PARL: variants seen among roughly 807,000 people sequenced by gnomAD.
The protein encoded by PARL is presenilin-associated rhomboid-like protein, mitochondrial.
PARL carries 44 observed loss-of-function variants against 51.6 expected under a neutral mutation model. That is an observed-to-expected ratio of 0.85 (90% CI 0.67 to 1.10). The LOEUF is 1.10. Among genes scored for constraint, PARL ranks in the 50% least tolerant of loss-of-function variants. The pLI, the probability that PARL is intolerant of heterozygous loss-of-function variation, is 0.00. For synonymous variants in PARL, 172 were observed against 164.0 expected (o/e 1.05, Z -0.37); for missense variants, 441 against 469.5 (o/e 0.94, Z 0.56).
intron 6 of PARL, among the ~76,000 whole-genome samples, chr3:183,840,863 C>T (rs138772795): frequency 4.6e-5 from 7 of 152,102 alleles, no homozygotes; most frequent in African/African-American, 9.6e-5. Flanking sequence ...CGTGCGGCAC[C>T]ACATCCAGCC....
At chr3:183,883,496 C>G (rs1734787927) in intron 1 of PARL, 5 of 546,112 alleles carry the variant, frequency 9.2e-6, no homozygotes, top group Non-Finnish European at 1.2e-5. Context: ...TCTTGAACTC[C>G]TAACTTCAGG....
chr3:183,880,768 G>T (rs1224091641), intron 1 of PARL, among the ~76,000 whole-genome samples: 2 of 151,904 alleles, frequency 1.3e-5, no homozygotes, highest in Non-Finnish European at 2.9e-5. Flanking sequence ...CAATATATGT[G>T]TTCACCTAAT....
intron 1 of PARL, among the ~76,000 whole-genome samples, chr3:183,879,368 T>C (rs1427278273): frequency 6.6e-6 from 1 of 152,202 alleles, no homozygotes; most frequent in East Asian, 1.9e-4. Context: ...ACAACTTTTT[T>C]TTCTGCTAGA....
downstream of PARL, chr3:183,829,201 G>A (rs77431501): frequency 6.0e-3 from 1,673 of 276,588 alleles, 12 homozygotes; most frequent in African/African-American, 0.026. Flanking sequence ...AGCCAACCCA[G>A]GGGAGGGGGA....
intron 4 of PARL, chr3:183,856,505 CCTAGG>C (rs1731201169): frequency 6.6e-6 from 1 of 152,280 alleles, no homozygotes; most frequent in Non-Finnish European, 1.5e-5. Context: ...CATTTCTTTT[CCTAGG>C]CAGTATCCAC....
chr3:183,827,659 G>C (rs1360182988), downstream of PARL, among the ~76,000 whole-genome samples: 1 of 152,128 alleles, frequency 6.6e-6, no homozygotes, highest in Non-Finnish European at 1.5e-5. Context: ...AGGCGAGAGA[G>C]GGAGATCTCG....
Position 183,833,814 on chromosome 3 carries a change from G to C in PARL, c.840C>G (p.Ile280Met). Residue 280 changes from isoleucine to methionine, a missense_variant, in exon 8 of 10, where the codon ATC becomes ATG. Physicochemically the swap from Ile to Met is conservative, Grantham distance 10. Coordinates refer to ENST00000317096, the MANE Select transcript of PARL (RefSeq NM_018622.7). ...YGPSLGASGAIMTVLAAVCTK... is the reference protein window; with the variant it reads ...YGPSLGASGAMMTVLAAVCTK... ...TGCAGACAGCTGCGAGGACTGTCAT[G>C]ATGGCACCAGACTGCAAAGTAACAC... 1 of 1,608,680 alleles carries C rather than the reference G, an allele frequency of 6.2e-7. No individual in the cohort carries two copies. The highest frequency in any genetic ancestry group is 8.5e-7 in the Non-Finnish European group (1 of 1,174,938).
Position 183,868,069 on chromosome 3 carries a change from C to T in PARL, c.126-9G>A, listed in dbSNP as rs1732748540. On this transcript the variant is annotated splice_polypyrimidine_tract_variant and intron_variant, in intron 1 of 9. Coordinates refer to ENST00000317096, the MANE Select transcript of PARL (RefSeq NM_018622.7). ...GAATAAAGAAGTTAAACCTATGGGG[C>T]AAAAATAACAGATGAGAAACACAGT... 6 of 1,604,672 alleles carry T rather than the reference C, an allele frequency of 3.7e-6. No individual in the cohort carries two copies. In the Middle Eastern group the frequency reaches 9.9e-4, roughly 266 times the overall value.
chr3:183,864,914 TTTTTTTTC>T (rs1245126393), intron 3 of PARL, among the ~76,000 whole-genome samples: 2 of 114,232 alleles, frequency 1.8e-5, no homozygotes, highest in African/African-American at 3.4e-5. Context: ...TTTTTTTTTT[TTTTTTTTC>T]CGTATTTCAT....
chr3:183,882,239 A>C (rs1198490208), intron 1 of PARL, among the ~76,000 whole-genome samples: 1 of 22,516 alleles, frequency 4.4e-5, no homozygotes, highest in Admixed American at 5.4e-4. Flanking sequence ...ATATATATAT[A>C]TATATTTATA....
intron 7 of PARL, among the ~76,000 whole-genome samples, chr3:183,839,849 C>G (rs1299479638): frequency 1.3e-5 from 2 of 152,346 alleles, no homozygotes; most frequent in Non-Finnish European, 2.9e-5. Context: ...CCTCCTTCCT[C>G]AGCCTCCTGA....
At chr3:183,862,702 G>A (rs755632032) in intron 4 of PARL, 51 bp downstream of exon 4, 2 of 1,419,210 alleles carry the variant, frequency 1.4e-6, no homozygotes, top group Non-Finnish European at 2.0e-6. Context: ...TGTACCTTTT[G>A]GTTTGATTTC....
Position 183,829,433 on chromosome 3 carries a change from T to C in PARL, c.*165A>G, listed in dbSNP as rs1342443668. The C allele has an allele frequency of 2.8e-5, 44 of 1,580,468 alleles. No individual in the cohort carries two copies. The highest frequency in any genetic ancestry group is 3.7e-5 in the Non-Finnish European group (43 of 1,165,436). Reference sequence around the variant, plus strand: ...CCTTTATTTCACAACTTTATCATCATTCACATTCTAAAAAGACACGGACTG... The same window carrying C: ...CCTTTATTTCACAACTTTATCATCACTCACATTCTAAAAAGACACGGACTG... On this transcript the variant is annotated 3_prime_UTR_variant, in exon 10 of 10. Coordinates refer to ENST00000317096, the MANE Select transcript of PARL (RefSeq NM_018622.7).
At chr3:183,849,592 G>C (rs770124944) in intron 4 of PARL, among the ~76,000 whole-genome samples, 4 of 151,952 alleles carry the variant, frequency 2.6e-5, no homozygotes, top group Non-Finnish European at 5.9e-5. Context: ...CCTTAAGAAA[G>C]TGTAGAGAGG....
intron 7 of PARL, among the ~76,000 whole-genome samples, chr3:183,839,136 T>C (rs1252128196): frequency 6.6e-6 from 1 of 152,192 alleles, no homozygotes; most frequent in Non-Finnish European, 1.5e-5. Flanking sequence ...AGAAAGCATG[T>C]GGTCACAGGA....
downstream of PARL, chr3:183,826,720 G>A (rs1384680361): frequency 7.1e-6 from 7 of 985,424 alleles, no homozygotes; most frequent in Non-Finnish European, 8.4e-6. Context: ...GGCGCCAGGT[G>A]TAGAGGGAGA....
intron 1 of PARL, among the ~76,000 whole-genome samples, chr3:183,882,245 T>TTATATATATATATATATATATTTATA (rs1734577904): frequency 3.4e-5 from 1 of 29,382 alleles, no homozygotes; most frequent in South Asian, 8.2e-4. Context: ...ATATATATAT[T>TTATATATATATATATATATATTTATA]TATATATATA....
At chr3:183,833,668 C>T in intron 8 of PARL, 56 bp downstream of exon 8, 1 of 1,459,004 alleles carries the variant, frequency 6.9e-7, no homozygotes, top group South Asian at 1.1e-5. Flanking sequence ...CAAGAACCCA[C>T]TCAACATAAA....
intron 1 of PARL, among the ~76,000 whole-genome samples, chr3:183,878,949 C>A (rs1227865634): frequency 2.6e-5 from 4 of 152,148 alleles, no homozygotes; most frequent in Non-Finnish European, 5.9e-5. Context: ...GTTTGCCAAA[C>A]CCCTGTCCTA....
Sources: allele counts gnomAD v4.1 joint callset (sites outside exome capture counted in the v4.1 genomes callset), GRCh38; gene constraint gnomAD v4.1.1; transcripts MANE v1.5; gene names NCBI Gene and HGNC (gene_info 2026-07-23, HGNC 2026-07-21).